The following ROR1 variants were observed in gnomAD, a reference collection of about 807,000 sequenced individuals.
ROR1 encodes inactive tyrosine-protein kinase transmembrane receptor ROR1.
ROR1 carries 19 observed loss-of-function variants against 78.8 expected under a neutral mutation model. The observed-to-expected ratio is 0.24, with a 90% CI of 0.17 to 0.35. ROR1 has a LOEUF of 0.35. Among genes scored for constraint, ROR1 ranks in the 10% least tolerant of loss-of-function variants. The pLI is 1.00. For missense variants in ROR1, 917 were observed against 1,177.8 expected, an observed-to-expected ratio of 0.78 and a Z score of 3.24; for synonymous variants, 386 against 433.6, an observed-to-expected ratio of 0.89 and a Z score of 1.36.
chr1:64,004,124 C>T (rs749591604), intron 1 of ROR1, among the ~76,000 whole-genome samples: 2 of 152,218 alleles, frequency 1.3e-5, no homozygotes, highest in African/African-American at 2.4e-5. Flanking sequence ...TTTTGAGCCA[C>T]CTCTAAAGTC....
chr1:64,049,312 T>TA (rs1646809408), intron 2 of ROR1, among the ~76,000 whole-genome samples: 1 of 152,170 alleles, frequency 6.6e-6, no homozygotes, highest in Non-Finnish European at 1.5e-5. Context: ...GCCAGGATGT[T>TA]AAAAATGGTG....
chr1:64,042,248 A>G (rs1342955892), intron 2 of ROR1, among the ~76,000 whole-genome samples: 4 of 152,174 alleles, frequency 2.6e-5, no homozygotes, highest in Non-Finnish European at 5.9e-5. Flanking sequence ...TTAAATTAGA[A>G]TCTCTAAGGG....
intron 2 of ROR1, among the ~76,000 whole-genome samples, chr1:64,017,800 C>T (rs893885669): frequency 3.3e-5 from 5 of 152,144 alleles, no homozygotes; most frequent in African/African-American, 7.2e-5. Flanking sequence ...GGTGAGCAAC[C>T]GAGCAAGCTT....
chr1:63,776,451 G>A (rs1644616770), intron 1 of ROR1, among the ~76,000 whole-genome samples: 1 of 152,210 alleles, frequency 6.6e-6, no homozygotes, highest in South Asian at 2.1e-4. Context: ...AACTCTAAGG[G>A]GGTCCACGTG....
chr1:63,807,556 T>C (rs1644837280), intron 1 of ROR1, among the ~76,000 whole-genome samples: 1 of 152,242 alleles, frequency 6.6e-6, no homozygotes, highest in East Asian at 1.9e-4. Context: ...TCCAGAGCCA[T>C]TTCTGGCTGT....
At chr1:64,030,447 A>G (rs1646651098) in intron 2 of ROR1, among the ~76,000 whole-genome samples, 1 of 152,196 alleles carries the variant, frequency 6.6e-6, no homozygotes, top group South Asian at 2.1e-4. Context: ...TACAATTTCC[A>G]CTTCCACATG....
intron 1 of ROR1, among the ~76,000 whole-genome samples, chr1:63,878,309 C>A (rs1645300899): frequency 6.6e-6 from 1 of 152,072 alleles, no homozygotes; most frequent in Admixed American, 6.5e-5. Context: ...TTTTATATAC[C>A]TTTACTTCCA....
intron 1 of ROR1, among the ~76,000 whole-genome samples, chr1:63,803,573 T>C (rs1369198464): frequency 2.6e-5 from 4 of 152,222 alleles, no homozygotes; most frequent in Non-Finnish European, 4.4e-5. Flanking sequence ...CTTAAACTCC[T>C]GACCTCGTGA....
At chr1:63,988,439 T>C (rs1439957058) in intron 1 of ROR1, among the ~76,000 whole-genome samples, 2 of 152,206 alleles carry the variant, frequency 1.3e-5, no homozygotes, top group African/African-American at 4.8e-5. Context: ...CTTTTAGCCA[T>C]GGGCAACTCA....
chr1:63,876,267 A>G (rs1383544954), intron 1 of ROR1, among the ~76,000 whole-genome samples: 1 of 152,184 alleles, frequency 6.6e-6, no homozygotes, highest in African/African-American at 2.4e-5. Context: ...ACACATATAA[A>G]GAAAGCACTG....
At chr1:64,147,587 A>T (rs1649509662) in intron 7 of ROR1, among the ~76,000 whole-genome samples, 1 of 151,834 alleles carries the variant, frequency 6.6e-6, no homozygotes. Context: ...CCCTCAGCCC[A>T]CCTCTAACAA....
chr1:63,797,032 G>A (rs986329), intron 1 of ROR1, among the ~76,000 whole-genome samples: 24,690 of 152,114 alleles, frequency 0.16, 2,201 homozygotes, highest in African/African-American at 0.24. Flanking sequence ...ATTGATTCTA[G>A]ATGTTAAACC....
At chr1:63,975,456 A>C (rs981665384) in intron 1 of ROR1, among the ~76,000 whole-genome samples, 1 of 152,148 alleles carries the variant, frequency 6.6e-6, no homozygotes, top group African/African-American at 2.4e-5. Context: ...AAAAAACTGA[A>C]TTAATAACTG....
At position 63,826,338 on chromosome 1, in the gene ROR1, G is replaced by A. The variant is rs1644953386; in HGVS notation, c.91+51830G>A. On this transcript the variant is annotated intron_variant, in intron 1 of 8. Coordinates refer to ENST00000371079, the MANE Select transcript of ROR1 (RefSeq NM_005012.4). Reference sequence around the variant, plus strand: ...AGCTCCCACTTACAAGTGAGGACATGTTATATTTGGTTTTCTATTCCTGAG... The same window carrying A: ...AGCTCCCACTTACAAGTGAGGACATATTATATTTGGTTTTCTATTCCTGAG... 5.3e-5 allele frequency among the ~76,000 whole-genome samples: 8 copies of A among 152,100 alleles called. No individual in the cohort carries two copies. The South Asian group carries it at 1.7e-3, about 32-fold the overall frequency.
chr1:63,898,448 A>T (rs1430902215), intron 1 of ROR1, among the ~76,000 whole-genome samples: 1 of 151,826 alleles, frequency 6.6e-6, no homozygotes, highest in African/African-American at 2.4e-5. Context: ...TATAATAAAG[A>T]TCTGCAAAGC....
At chr1:63,816,594 A>G (rs1322576357) in intron 1 of ROR1, among the ~76,000 whole-genome samples, 1 of 152,096 alleles carries the variant, frequency 6.6e-6, no homozygotes, top group African/African-American at 2.4e-5. Flanking sequence ...CAGCATGAAA[A>G]TGGACTAATA....
intron 1 of ROR1, among the ~76,000 whole-genome samples, chr1:63,892,725 C>G (rs979901430): frequency 1.3e-5 from 2 of 152,160 alleles, no homozygotes; most frequent in African/African-American, 4.8e-5. Context: ...GCCCTGTAAA[C>G]TCGGACAAGT....
At chr1:63,968,955 A>G (rs1310234481) in intron 1 of ROR1, among the ~76,000 whole-genome samples, 1 of 152,260 alleles carries the variant, frequency 6.6e-6, no homozygotes, top group Non-Finnish European at 1.5e-5. Flanking sequence ...GATGGAGAGC[A>G]TTAAATAGGA....
chr1:63,874,431 A>G (rs1446116075), intron 1 of ROR1, among the ~76,000 whole-genome samples: 1 of 152,128 alleles, frequency 6.6e-6, no homozygotes, highest in Non-Finnish European at 1.5e-5. Flanking sequence ...GGATACATGA[A>G]TCATAGCATC....
Sources: gnomAD v4.1 joint callset for allele counts (sites outside exome capture counted in the v4.1 genomes callset) on GRCh38, gnomAD v4.1.1 for gene constraint, MANE v1.5 for transcripts, NCBI Gene and HGNC (gene_info 2026-07-23, HGNC 2026-07-21) for gene names.